TBXAS1: variants seen among roughly 807,000 people sequenced by gnomAD.
TBXAS1 encodes the protein thromboxane-A synthase.
Under a neutral mutation model 60.7 loss-of-function variants are expected in TBXAS1, and 48 were observed. The observed-to-expected ratio is 0.79, with a 90% CI of 0.63 to 1.01. The LOEUF is 1.01. TBXAS1 is among the 50% of genes least tolerant of loss of function. TBXAS1 has a pLI of 0.00. For missense variants in TBXAS1, 685 were observed against 686.3 expected (o/e 1.00, Z 0.02); for synonymous variants, 287 against 269.7 (o/e 1.06, Z -0.63).
intron 1 of TBXAS1, among the ~76,000 whole-genome samples, chr7:139,867,581 A>T (rs1284122721): frequency 2.6e-5 from 4 of 152,150 alleles, no homozygotes; most frequent in African/African-American, 9.7e-5. Context: ...CACACTTTGG[A>T]AGGCCAAGGC....
chr7:139,849,912 G>T (rs1800094274), intron 1 of TBXAS1, among the ~76,000 whole-genome samples: 1 of 152,222 alleles, frequency 6.6e-6, no homozygotes, highest in Non-Finnish European at 1.5e-5. Flanking sequence ...TATGGATGTT[G>T]TTATGCCAAG....
Position 139,822,211 on chromosome 7 carries a change from AAT to A in TBXAS1, c.-79-7099_-79-7098del, listed in dbSNP as rs140589195. ...AAAAAGCTGCATCCTTAAGCAGTAA[AAT>A]AAGGTTCCTCAGCTAATGGTCCTGT... On this transcript the variant is annotated intron_variant, in intron 4 of 16. Coordinates refer to the TBXAS1 transcript ENST00000336425. Among the ~76,000 whole-genome samples, 514 of 152,250 alleles carry A rather than the reference AAT, an allele frequency of 3.4e-3. 4 individuals are homozygous for A. The highest frequency in any genetic ancestry group is 0.012 in the African/African-American group (486 of 41,558).
chr7:140,001,734 A>G (rs1813689044), intron 9 of TBXAS1, among the ~76,000 whole-genome samples: 1 of 152,176 alleles, frequency 6.6e-6, no homozygotes, highest in Non-Finnish European at 1.5e-5. Flanking sequence ...ACCATTATCA[A>G]CTAAAACCAA....
intron 9 of TBXAS1, among the ~76,000 whole-genome samples, chr7:139,984,612 GAA>G (rs754303175): frequency 8.0e-4 from 35 of 43,934 alleles, no homozygotes; most frequent in East Asian, 1.8e-3. Flanking sequence ...AAATAAGAAA[GAA>G]AGAGAGAGAG....
chr7:139,857,924 G>T (rs1800696459), intron 1 of TBXAS1, among the ~76,000 whole-genome samples: 1 of 151,756 alleles, frequency 6.6e-6, no homozygotes, highest in East Asian at 1.9e-4. Context: ...TGTAGAGGTG[G>T]GGTCTTGCTA....
intron 5 of TBXAS1, chr7:139,952,728 TA>T (rs928147176): frequency 2.0e-5 from 30 of 1,479,472 alleles, no homozygotes; most frequent in Middle Eastern, 3.5e-4. Context: ...ATTTTCCTAT[TA>T]AAAAAAAGAA....
At chr7:139,993,139 G>A (rs748158351) in intron 9 of TBXAS1, among the ~76,000 whole-genome samples, 8 of 152,266 alleles carry the variant, frequency 5.3e-5, no homozygotes, top group Non-Finnish European at 1.2e-4. Flanking sequence ...AGAGGTTGCA[G>A]TGAGCCGATC....
chr7:139,965,534 C>T (rs938522511), intron 9 of TBXAS1, among the ~76,000 whole-genome samples: 1 of 152,076 alleles, frequency 6.6e-6, no homozygotes, highest in Admixed American at 6.6e-5. Flanking sequence ...GCCTAAGGAA[C>T]CCACGTTTTA....
chr7:140,000,162 G>A (rs1444038981), intron 9 of TBXAS1, among the ~76,000 whole-genome samples: 6 of 152,138 alleles, frequency 3.9e-5, no homozygotes, highest in Non-Finnish European at 8.8e-5. Context: ...TGCCCATAGA[G>A]TTAGTTCCCT....
At chr7:139,914,675 T>G (rs1805824037) in intron 4 of TBXAS1, among the ~76,000 whole-genome samples, 1 of 152,142 alleles carries the variant, frequency 6.6e-6, no homozygotes, top group Non-Finnish European at 1.5e-5. Flanking sequence ...CCAGGAAGCC[T>G]TCCCTGCCTC....
chr7:139,937,708 C>T (rs975888414), intron 5 of TBXAS1, among the ~76,000 whole-genome samples: 10 of 152,306 alleles, frequency 6.6e-5, no homozygotes, highest in South Asian at 2.1e-4. Context: ...AAACTAGGCA[C>T]GGAGAGATTA....
intron 9 of TBXAS1, among the ~76,000 whole-genome samples, chr7:139,981,898 T>C (rs1812005524): frequency 6.6e-6 from 1 of 152,274 alleles, no homozygotes; most frequent in Non-Finnish European, 1.5e-5. Flanking sequence ...ATGTCATATA[T>C]ACAATTTTTA....
At position 139,998,114 on chromosome 7, in the gene TBXAS1, G is replaced by A. The variant is rs138749834; in HGVS notation, c.1135-8977G>A. ...GAAACTGAGCAAAAGAAGGCAGACCGAAAAGCCTGCATGGAAATATTTCAT... is the reference window on the plus strand; with the variant it reads ...GAAACTGAGCAAAAGAAGGCAGACCAAAAAGCCTGCATGGAAATATTTCAT... On this transcript the variant is annotated intron_variant, in intron 9 of 12. Transcript: ENST00000448866. Among the ~76,000 whole-genome samples, 885 of 152,284 alleles carry A rather than the reference G, an allele frequency of 5.8e-3. 10 individuals carry two copies. Among genetic ancestry groups the A allele is most frequent in the African/African-American group, 0.019 (797 of 41,542 alleles).
intron 4 of TBXAS1, among the ~76,000 whole-genome samples, chr7:139,932,166 CAAA>C (rs56765418): frequency 3.0e-4 from 20 of 66,394 alleles, no homozygotes; most frequent in African/African-American, 6.2e-4. Flanking sequence ...GACTCCATCT[CAAA>C]AAAAAAAAAA....
chr7:139,841,416 T>A (rs1409401822), intron 1 of TBXAS1, among the ~76,000 whole-genome samples: 1 of 151,932 alleles, frequency 6.6e-6, no homozygotes, highest in Non-Finnish European at 1.5e-5. Flanking sequence ...AGTTTAGAAA[T>A]ACATTTTAAA....
At chr7:139,799,298 C>T (rs1209852473) in intron 4 of TBXAS1, among the ~76,000 whole-genome samples, 3 of 151,062 alleles carry the variant, frequency 2.0e-5, no homozygotes, top group South Asian at 2.1e-4. Flanking sequence ...GGCACAATCT[C>T]GGCTCACTGC....
At chr7:139,901,787 C>G (rs564163182) in intron 3 of TBXAS1, among the ~76,000 whole-genome samples, 12 of 152,072 alleles carry the variant, frequency 7.9e-5, no homozygotes, top group African/African-American at 2.9e-4. Flanking sequence ...CAGCATTTCT[C>G]AGAGTATGGA....
chr7:139,890,504 C>T (rs893768285), intron 3 of TBXAS1, among the ~76,000 whole-genome samples: 22 of 151,922 alleles, frequency 1.4e-4, no homozygotes, highest in African/African-American at 4.8e-4. Context: ...CGTGAGCCAC[C>T]GCGCCCGGCC....
chr7:139,883,637 G>C (rs567363988), intron 3 of TBXAS1, among the ~76,000 whole-genome samples: 26 of 152,192 alleles, frequency 1.7e-4, no homozygotes, highest in Admixed American at 1.7e-3. Context: ...TCTCTCTACT[G>C]CTTGTTACCT....
Sources: allele counts gnomAD v4.1 joint callset (sites outside exome capture counted in the v4.1 genomes callset), GRCh38; gene constraint gnomAD v4.1.1; transcripts MANE v1.5; gene names NCBI Gene and HGNC (gene_info 2026-07-23, HGNC 2026-07-21).